The following HESX1 variants were observed in gnomAD, a reference collection of about 807,000 sequenced individuals.
HESX1 encodes homeobox expressed in ES cells 1.
Under a neutral mutation model 22.5 loss-of-function variants are expected in HESX1, and 11 were observed. The observed-to-expected ratio is 0.49, with a 90% CI of 0.31 to 0.81. HESX1 has a LOEUF of 0.81. Among genes scored for constraint, HESX1 ranks in the 30% least tolerant of loss-of-function variants. The pLI, the probability that HESX1 is intolerant of heterozygous loss-of-function variation, is 0.05. For missense variants in HESX1, 201 were observed against 212.6 expected (o/e 0.95, Z 0.34); for synonymous variants, 74 against 76.5 (o/e 0.97, Z 0.17).
At chr3:57,209,671 C>CA (rs71088042) in intron 1 of HESX1, among the ~76,000 whole-genome samples, 348 of 81,878 alleles carry the variant, frequency 4.3e-3, no homozygotes, top group African/African-American at 9.3e-3. Context: ...AGCTCCATCT[C>CA]AAAAAAAAAA....
upstream of HESX1, among the ~76,000 whole-genome samples, chr3:57,226,678 G>A (rs1170726093): frequency 1.3e-5 from 2 of 152,086 alleles, no homozygotes; most frequent in Admixed American, 1.3e-4. Flanking sequence ...TACTATTCTG[G>A]ATTTGTTCCC....
chr3:57,220,157 A>T (rs957319091), intron 1 of HESX1, among the ~76,000 whole-genome samples: 3 of 152,152 alleles, frequency 2.0e-5, no homozygotes, highest in African/African-American at 7.2e-5. Flanking sequence ...GCAGGTGTGC[A>T]GCCTTATTTC....
At chr3:57,214,788 G>GGTGT (rs1179802827) in intron 1 of HESX1, among the ~76,000 whole-genome samples, 1 of 152,026 alleles carries the variant, frequency 6.6e-6, no homozygotes, top group Non-Finnish European at 1.5e-5. Flanking sequence ...CAGAGACAGG[G>GGTGT]GTGTGTGTGT....
chr3:57,208,431 C>T (rs1466605741), intron 1 of HESX1, among the ~76,000 whole-genome samples: 1 of 152,078 alleles, frequency 6.6e-6, no homozygotes, highest in African/African-American at 2.4e-5. Flanking sequence ...ACTGCAGCCT[C>T]TGCCTCCCGG....
At chr3:57,201,871 ATCTATATCTATC>A (rs1237703875), upstream of HESX1, among the ~76,000 whole-genome samples, 816 of 142,172 alleles carry the variant, frequency 5.7e-3, 1 homozygote, top group East Asian at 0.028. Context: ...ATATCTATCT[ATCTATATCTATC>A]TATCTATCTA....
At chr3:57,200,493 T>C (rs186084966), upstream of HESX1, among the ~76,000 whole-genome samples, 12 of 152,344 alleles carry the variant, frequency 7.9e-5, 1 homozygote, top group South Asian at 4.1e-4. Context: ...TAATAGGGAA[T>C]GTTGTCAATG....
At chr3:57,227,194 T>A (rs1339732342), upstream of HESX1, among the ~76,000 whole-genome samples, 1 of 152,138 alleles carries the variant, frequency 6.6e-6, no homozygotes, top group East Asian at 1.9e-4. Flanking sequence ...TTCAACTGAA[T>A]ATACTGATAT....
chr3:57,219,656 C>T (rs959978688), intron 1 of HESX1, among the ~76,000 whole-genome samples: 2 of 152,010 alleles, frequency 1.3e-5, no homozygotes, highest in South Asian at 2.1e-4. Context: ...CGTGAGCCAC[C>T]GCACCTGGCC....
chr3:57,202,822 G>T (rs1455725553), upstream of HESX1, among the ~76,000 whole-genome samples: 1 of 152,224 alleles, frequency 6.6e-6, no homozygotes, highest in Admixed American at 6.5e-5. Flanking sequence ...ATGGTCGATG[G>T]TGGAGGAGGG....
At chr3:57,223,145 A>C (rs1456933585) in intron 1 of HESX1, among the ~76,000 whole-genome samples, 2 of 152,226 alleles carry the variant, frequency 1.3e-5, no homozygotes, top group African/African-American at 4.8e-5. Flanking sequence ...GAATGGAGAA[A>C]CAGAGAAGTT....
chr3:57,220,147 G>C lies in HESX1; in HGVS notation c.-111+6149C>G, dbSNP rs183898242. On this transcript the variant is annotated intron_variant, in intron 1 of 2. Coordinates refer to the HESX1 transcript ENST00000495160. ...CAGCTTTGTTGAAGATCAGATGGTTGCAGGTGTGCAGCCTTATTTCTGCGC... is the reference window on the plus strand; with the variant it reads ...CAGCTTTGTTGAAGATCAGATGGTTCCAGGTGTGCAGCCTTATTTCTGCGC... Among the ~76,000 whole-genome samples the C allele has an allele frequency of 3.3e-5, 5 of 152,282 alleles. No individual in the cohort carries two copies. The East Asian group carries it at 9.6e-4, about 29-fold the overall frequency.
intron 1 of HESX1, among the ~76,000 whole-genome samples, chr3:57,207,862 T>A (rs934789429): frequency 6.6e-6 from 1 of 152,242 alleles, no homozygotes; most frequent in African/African-American, 2.4e-5. Context: ...TGGGTCGTCA[T>A]GAGAGCGCCC....
At position 57,208,705 on chromosome 3, in the gene HESX1, A is replaced by C. The variant is rs144914753; in HGVS notation, c.-110-8677T>G. 1.1e-3 allele frequency among the ~76,000 whole-genome samples: 160 copies of C among 150,236 alleles called. 1 individual carries two copies. The highest frequency in any genetic ancestry group is 3.7e-3 in the African/African-American group (153 of 41,186). The stretch of plus-strand genomic sequence containing the variant: ...GCCAGGCACGGTGGCTCACGCCTGT[A>C]ATCTCAGCACTTTGGGAGGCCGAGG... On this transcript the variant is annotated intron_variant, in intron 1 of 2. Coordinates refer to the HESX1 transcript ENST00000495160.
At chr3:57,220,320 T>C (rs1038341037) in intron 1 of HESX1, among the ~76,000 whole-genome samples, 1 of 152,244 alleles carries the variant, frequency 6.6e-6, no homozygotes, top group African/African-American at 2.4e-5. Flanking sequence ...GTCCTGTTTA[T>C]AGTGAATGTG....
At chr3:57,226,891 AGAGG>A (rs2060649635), upstream of HESX1, among the ~76,000 whole-genome samples, 1 of 152,234 alleles carries the variant, frequency 6.6e-6, no homozygotes, top group Non-Finnish European at 1.5e-5. Context: ...GGAAAGATGA[AGAGG>A]GAGGAGGAAA....
chr3:57,215,271 A>C (rs1299870431), intron 1 of HESX1, among the ~76,000 whole-genome samples: 1 of 152,216 alleles, frequency 6.6e-6, no homozygotes, highest in African/African-American at 2.4e-5. Flanking sequence ...TAAGGCAGCT[A>C]TCATGGTTAC....
At chr3:57,226,741 T>G (rs2060648297), upstream of HESX1, among the ~76,000 whole-genome samples, 1 of 152,200 alleles carries the variant, frequency 6.6e-6, no homozygotes, top group South Asian at 2.1e-4. Flanking sequence ...ATCTCTGGTA[T>G]TTCTTGAATG....
intron 1 of HESX1, 40 bp from the exon 2 acceptor site, chr3:57,198,992 C>T: frequency 6.4e-7 from 1 of 1,556,524 alleles, no homozygotes; most frequent in Non-Finnish European, 8.9e-7. Context: ...GATGGTCAAT[C>T]TTATGTTCCA....
At chr3:57,202,314 C>T (rs1250435140), upstream of HESX1, among the ~76,000 whole-genome samples, 1 of 151,980 alleles carries the variant, frequency 6.6e-6, no homozygotes, top group Non-Finnish European at 1.5e-5. Flanking sequence ...TTCTCATATA[C>T]TCACTCAACA....
Sources: gnomAD v4.1 joint callset for allele counts (sites outside exome capture counted in the v4.1 genomes callset) on GRCh38, gnomAD v4.1.1 for gene constraint, MANE v1.5 for transcripts, NCBI Gene and HGNC (gene_info 2026-07-23, HGNC 2026-07-21) for gene names.